The following CPHXL2 variants were observed in gnomAD, a reference collection of about 807,000 sequenced individuals.
CPHXL2 encodes the protein cytoplasmic polyadenylated homeobox like 2.
chr16:75,668,228 TATA>T, the CPHXL2 span, among the ~76,000 whole-genome samples: 10,927 of 124,496 alleles, frequency 0.088, 551 homozygotes, highest in African/African-American at 0.16. Flanking sequence ...TATATACATA[TATA>T]TTTTTTTTTT....
chr16:75,667,089 A>G, the CPHXL2 span, among the ~76,000 whole-genome samples: 1 of 152,134 alleles, frequency 6.6e-6, no homozygotes, highest in African/African-American at 2.4e-5. Context: ...AGGCGGGCAG[A>G]TCACCTGAGG....
chr16:75,674,949 G>A, the CPHXL2 span, among the ~76,000 whole-genome samples: 2 of 151,722 alleles, frequency 1.3e-5, no homozygotes, highest in African/African-American at 2.4e-5. Context: ...TCAGCACTTC[G>A]GGAGGCTGAG....
chr16:75,675,143 C>G, the CPHXL2 span, among the ~76,000 whole-genome samples: 6,526 of 149,170 alleles, frequency 0.044, 209 homozygotes, highest in Admixed American at 0.075. Context: ...GAGCCGAGAT[C>G]GTGCCACTGC....
the CPHXL2 span, chr16:75,669,612 C>G: frequency 2.5e-6 from 1 of 398,132 alleles, no homozygotes; most frequent in East Asian, 3.6e-5. Context: ...AATAACCAGA[C>G]CAAAGAAGAG....
chr16:75,663,885 CAA>C, the CPHXL2 span, among the ~76,000 whole-genome samples: 13 of 85,490 alleles, frequency 1.5e-4, no homozygotes, highest in Non-Finnish European at 1.7e-4. Context: ...GACTCTGTCT[CAA>C]AAAAAAAAAA....
the CPHXL2 span, among the ~76,000 whole-genome samples, chr16:75,665,949 G>A: frequency 1.3e-5 from 2 of 152,174 alleles, no homozygotes; most frequent in African/African-American, 4.8e-5. Context: ...AACATTGAAT[G>A]TAAATGGCCT....
At chr16:75,674,975 G>C in the CPHXL2 span, among the ~76,000 whole-genome samples, 583 of 151,366 alleles carry the variant, frequency 3.9e-3, 2 homozygotes, top group Non-Finnish European at 6.2e-3. Flanking sequence ...CAGATCACAA[G>C]GTCAGGAGTT....
chr16:75,669,568 A>T, the CPHXL2 span: 2 of 398,658 alleles, frequency 5.0e-6, no homozygotes, highest in Admixed American at 4.4e-5. Flanking sequence ...TGACAAAAGT[A>T]TAAGTAGCGA....
the CPHXL2 span, among the ~76,000 whole-genome samples, chr16:75,668,332 G>A: frequency 4.0e-5 from 6 of 150,968 alleles, no homozygotes; most frequent in African/African-American, 7.3e-5. Flanking sequence ...GGGTTCCAGC[G>A]ATTCTCCTGT....
At chr16:75,669,770 TAG>T in the CPHXL2 span, among the ~76,000 whole-genome samples, 1 of 152,198 alleles carries the variant, frequency 6.6e-6, no homozygotes, top group Admixed American at 6.5e-5. Context: ...TTTTTGTAAA[TAG>T]AGTTTTTTTG....
the CPHXL2 span, among the ~76,000 whole-genome samples, chr16:75,673,585 A>G: frequency 6.6e-6 from 1 of 152,202 alleles, no homozygotes; most frequent in Non-Finnish European, 1.5e-5. Flanking sequence ...CAGCACACCT[A>G]GGGCCTAAAC....
At chr16:75,668,242 T>C in the CPHXL2 span, among the ~76,000 whole-genome samples, 7 of 150,838 alleles carry the variant, frequency 4.6e-5, no homozygotes, top group Non-Finnish European at 1.0e-4. Flanking sequence ...TTTTTTTTTT[T>C]TTTTGAGACA....
the CPHXL2 span, among the ~76,000 whole-genome samples, chr16:75,670,760 G>C: frequency 2.0e-5 from 3 of 152,108 alleles, no homozygotes; most frequent in Admixed American, 2.0e-4. Context: ...GCCTCCCAAA[G>C]TGCTAGGATT....
the CPHXL2 span, chr16:75,660,322 A>G: frequency 2.5e-6 from 1 of 398,160 alleles, no homozygotes. Flanking sequence ...CTCAACCTAA[A>G]ACTGCTGCAT....
the CPHXL2 span, chr16:75,676,951 A>G: frequency 7.3e-5 from 29 of 398,446 alleles, no homozygotes; most frequent in East Asian, 7.5e-4. Context: ...TCTTCTCACA[A>G]CAAAACACAT....
At chr16:75,676,702 C>A in the CPHXL2 span, among the ~76,000 whole-genome samples, 130 of 152,260 alleles carry the variant, frequency 8.5e-4, no homozygotes, top group Admixed American at 1.8e-3. Context: ...AAACTTCCCC[C>A]CAAGATTTTT....
chr16:75,660,334 T>G, the CPHXL2 span: 1 of 398,450 alleles, frequency 2.5e-6, no homozygotes, highest in Non-Finnish European at 4.4e-6. Context: ...CTGCTGCATT[T>G]GAGTCCTGAG....
chr16:75,674,262 A>G, the CPHXL2 span, among the ~76,000 whole-genome samples: 140 of 150,228 alleles, frequency 9.3e-4, 1 homozygote, highest in South Asian at 2.5e-3. Flanking sequence ...AGTCCCAGCT[A>G]CTCGGGAGGC....
At chr16:75,663,885 C>CAAA in the CPHXL2 span, among the ~76,000 whole-genome samples, 255 of 85,440 alleles carry the variant, frequency 3.0e-3, 3 homozygotes, top group East Asian at 0.011. Flanking sequence ...GACTCTGTCT[C>CAAA]AAAAAAAAAA....
Sources: gnomAD v4.1 joint callset for allele counts (sites outside exome capture counted in the v4.1 genomes callset) on GRCh38, gnomAD v4.1.1 for gene constraint, MANE v1.5 for transcripts, NCBI Gene and HGNC (gene_info 2026-07-23, HGNC 2026-07-21) for gene names.